PCDH11X: variants seen among roughly 807,000 people sequenced by gnomAD.
The protein encoded by PCDH11X is protocadherin-11 X-linked.
A neutral mutation model predicts 53.3 loss-of-function variants in PCDH11X; 18 were observed. The ratio of observed to expected loss-of-function variants is 0.34; its 90% CI spans 0.23 to 0.50. The LOEUF is 0.50. PCDH11X is among the 20% of genes least tolerant of loss of function. The pLI, the probability that PCDH11X is intolerant of heterozygous loss-of-function variation, is 0.98. For synonymous variants in PCDH11X, 279 were observed against 393.3 expected, an observed-to-expected ratio of 0.71 and a Z score of 3.44; for missense variants, 570 against 1,032.4, an observed-to-expected ratio of 0.55 and a Z score of 6.14.
At chrX:92,117,436 C>CAA (rs10628988) in intron 6 of PCDH11X, among the ~76,000 whole-genome samples, 12,081 of 95,095 alleles carry the variant, frequency 0.13, 1,043 homozygotes, top group East Asian at 0.42. Flanking sequence ...AACTCTGTCT[C>CAA]AAAAAAAAAA....
chrX:92,240,560 C>G (rs1297528966), intron 7 of PCDH11X, among the ~76,000 whole-genome samples: 1 of 111,719 alleles, frequency 9.0e-6, no homozygotes, highest in Non-Finnish European at 1.9e-5. Flanking sequence ...ATGGGGATCA[C>G]TGGGTGGAGC....
chrX:92,221,452 A>G (rs768328847), intron 7 of PCDH11X, among the ~76,000 whole-genome samples: 126 of 110,473 alleles, frequency 1.1e-3, no homozygotes, highest in African/African-American at 3.9e-3. Context: ...GGCTAGATAA[A>G]GGCCAGAGAC....
chrX:92,105,363 C>T (rs142001648), intron 6 of PCDH11X, among the ~76,000 whole-genome samples: 5,835 of 110,335 alleles, frequency 0.053, 363 homozygotes, highest in African/African-American at 0.17. Context: ...GTGGATCTTA[C>T]GGAGCAAAAA....
At chrX:92,265,561 A>C (rs968481867) in intron 8 of PCDH11X, among the ~76,000 whole-genome samples, 1 of 112,127 alleles carries the variant, frequency 8.9e-6, no homozygotes, top group Non-Finnish European at 1.9e-5. Context: ...ATGTTTGTGC[A>C]TGTGTGTATA....
At chrX:92,376,739 A>AAAAT (rs746096529) in intron 8 of PCDH11X, among the ~76,000 whole-genome samples, 1,763 of 111,632 alleles carry the variant, frequency 0.016, 22 homozygotes, top group Non-Finnish European at 0.026. Flanking sequence ...ACTTTTTGCA[A>AAAAT]AAATAAATAA....
At chrX:92,553,596 T>C (rs1372691569) in intron 10 of PCDH11X, among the ~76,000 whole-genome samples, 1 of 109,874 alleles carries the variant, frequency 9.1e-6, no homozygotes, top group Non-Finnish European at 1.9e-5. Flanking sequence ...TTTTTTTTCT[T>C]ATACTAATTT....
At chrX:91,823,576 G>A (rs1376367079) in intron 4 of PCDH11X, among the ~76,000 whole-genome samples, 4 of 111,277 alleles carry the variant, frequency 3.6e-5, no homozygotes, top group Non-Finnish European at 5.6e-5. Flanking sequence ...GTCTCTGCAC[G>A]TGGGATGGGC....
At chrX:92,302,606 C>T (rs2148471613) in intron 8 of PCDH11X, among the ~76,000 whole-genome samples, 1 of 111,118 alleles carries the variant, frequency 9.0e-6, no homozygotes, top group East Asian at 2.9e-4. Context: ...TAGCCTGGAG[C>T]TTAGTGTGTG....
At chrX:91,913,184 T>A (rs1433739327) in intron 6 of PCDH11X, among the ~76,000 whole-genome samples, 3 of 110,991 alleles carry the variant, frequency 2.7e-5, no homozygotes, top group Non-Finnish European at 5.7e-5. Context: ...TGGTTTTGGC[T>A]GGGCACACAT....
intron 8 of PCDH11X, among the ~76,000 whole-genome samples, chrX:92,303,537 T>A (rs1358364920): frequency 9.0e-6 from 1 of 111,267 alleles, no homozygotes; most frequent in Non-Finnish European, 1.9e-5. Context: ...TATGTCCATA[T>A]AATTTAAAGA....
At chrX:91,983,071 C>T in intron 6 of PCDH11X, 2 of 1,173,316 alleles carry the variant, frequency 1.7e-6, no homozygotes, top group Non-Finnish European at 2.3e-6. Flanking sequence ...CCCTTGTAAC[C>T]CAGCACCAGA....
chrX:91,851,597 T>C lies in PCDH11X; in HGVS notation c.540+15553T>C, dbSNP rs964391207. Among the ~76,000 whole-genome samples, 58 of 111,651 alleles carry C rather than the reference T, an allele frequency of 5.2e-4. 1 individual carries two copies. Among genetic ancestry groups the C allele is most frequent in the African/African-American group, 1.9e-3 (57 of 30,748 alleles). ...GGTGTCCTCAGTTCTTTGTCACCTG[T>C]GGTTTTAGCTCTGATTAAGAACTTG... On this transcript the variant is annotated intron_variant, in intron 5 of 10. Coordinates refer to ENST00000682573, the MANE Select transcript of PCDH11X (RefSeq NM_032968.5).
intron 10 of PCDH11X, among the ~76,000 whole-genome samples, chrX:92,592,619 T>C (rs1011887000): frequency 9.1e-6 from 1 of 109,959 alleles, no homozygotes; most frequent in African/African-American, 3.3e-5. Flanking sequence ...TAGTCCCAGG[T>C]ATTGGGGAGG....
chrX:92,268,820 A>C (rs2067889530), intron 8 of PCDH11X, among the ~76,000 whole-genome samples: 1 of 112,108 alleles, frequency 8.9e-6, no homozygotes, highest in African/African-American at 3.2e-5. Flanking sequence ...TTCAAGACTT[A>C]CACTTATCAG....
chrX:92,587,015 C>G (rs1049698532), intron 10 of PCDH11X, among the ~76,000 whole-genome samples: 4 of 84,647 alleles, frequency 4.7e-5, no homozygotes, highest in Non-Finnish European at 8.8e-5. Flanking sequence ...ATTAGCATGT[C>G]GGTTACAACC....
intron 6 of PCDH11X, among the ~76,000 whole-genome samples, chrX:91,911,355 A>G (rs747379027): frequency 1.8e-5 from 2 of 110,415 alleles, no homozygotes; most frequent in South Asian, 7.7e-4. Context: ...GTGTATAATT[A>G]TAGGCTACAT....
At chrX:92,189,574 A>C (rs2148304860) in intron 6 of PCDH11X, among the ~76,000 whole-genome samples, 1 of 111,754 alleles carries the variant, frequency 8.9e-6, no homozygotes, top group African/African-American at 3.2e-5. Context: ...TTTTGGGTAT[A>C]TACCCACTAA....
At chrX:92,136,342 G>A (rs1228487149) in intron 6 of PCDH11X, among the ~76,000 whole-genome samples, 2 of 110,514 alleles carry the variant, frequency 1.8e-5, no homozygotes, top group African/African-American at 3.3e-5. Context: ...GAGGAACAAA[G>A]GGAAGAGGAA....
At chrX:92,428,243 AGGCTG>A (rs2072170649) in intron 9 of PCDH11X, among the ~76,000 whole-genome samples, 1 of 111,241 alleles carries the variant, frequency 9.0e-6, no homozygotes, top group African/African-American at 3.3e-5. Flanking sequence ...TGTCCATAAC[AGGCTG>A]AGTGATGTAG....
Sources: gnomAD v4.1 joint callset for allele counts (sites outside exome capture counted in the v4.1 genomes callset) on GRCh38, gnomAD v4.1.1 for gene constraint, MANE v1.5 for transcripts, NCBI Gene and HGNC (gene_info 2026-07-23, HGNC 2026-07-21) for gene names.